Variants in KATNAL2 observed in about 807,000 individuals in gnomAD.
KATNAL2 encodes katanin p60 ATPase-containing subunit A-like 2.
A neutral mutation model predicts 76.3 loss-of-function variants in KATNAL2; 52 were observed. The observed-to-expected ratio is 0.68, with a 90% CI of 0.55 to 0.86. KATNAL2 has a LOEUF of 0.86. Ranked by LOEUF, KATNAL2 falls within the 40% of genes least tolerant of loss-of-function variation. KATNAL2 has a pLI of 0.00. For missense variants in KATNAL2, 660 were observed against 668.9 expected (o/e 0.99, Z 0.15); for synonymous variants, 243 against 244.2 (o/e 1.00, Z 0.05).
intron 3 of KATNAL2, among the ~76,000 whole-genome samples, chr18:46,960,427 C>CAAAA (rs754973661): frequency 5.7e-5 from 8 of 140,502 alleles, no homozygotes; most frequent in Non-Finnish European, 1.1e-4. Context: ...AGCGAAACTT[C>CAAAA]AAAAAAAAAA....
chr18:46,920,856 G>T (rs1048232295), intron 1 of KATNAL2, among the ~76,000 whole-genome samples: 1 of 152,142 alleles, frequency 6.6e-6, no homozygotes, highest in Admixed American at 6.5e-5. Context: ...GGAGAAGGAG[G>T]GAGGTGCAGT....
intron 4 of KATNAL2, among the ~76,000 whole-genome samples, chr18:47,046,996 A>G (rs2061181218): frequency 6.6e-6 from 1 of 152,064 alleles, no homozygotes; most frequent in African/African-American, 2.4e-5. Context: ...CTGGAGTGTA[A>G]TCATGGCTCA....
At chr18:46,919,809 A>G (rs1568965402) in intron 1 of KATNAL2, among the ~76,000 whole-genome samples, 1 of 152,188 alleles carries the variant, frequency 6.6e-6, no homozygotes, top group African/African-American at 2.4e-5. Flanking sequence ...TCTCTCCACC[A>G]TTAACTTTGT....
At chr18:47,036,291 G>T (rs1005180673) in intron 3 of KATNAL2, among the ~76,000 whole-genome samples, 19 of 152,194 alleles carry the variant, frequency 1.2e-4, no homozygotes, top group African/African-American at 4.3e-4. Context: ...TGATTAGGTA[G>T]AACTCTCTGG....
chr18:47,065,746 G>A (rs894129456), intron 10 of KATNAL2, among the ~76,000 whole-genome samples: 3 of 152,118 alleles, frequency 2.0e-5, no homozygotes, highest in Non-Finnish European at 4.4e-5. Context: ...CACTTTGGGA[G>A]GCCGAGGCAG....
At chr18:46,950,254 G>A (rs993041087) in intron 3 of KATNAL2, among the ~76,000 whole-genome samples, 2 of 152,176 alleles carry the variant, frequency 1.3e-5, no homozygotes, top group Non-Finnish European at 2.9e-5. Flanking sequence ...TCCCTAGATG[G>A]CGCTAAGAGC....
intron 1 of KATNAL2, among the ~76,000 whole-genome samples, chr18:46,925,671 T>C (rs2058706015): frequency 6.6e-6 from 1 of 152,190 alleles, no homozygotes; most frequent in Non-Finnish European, 1.5e-5. Flanking sequence ...CCAGCTCCTC[T>C]TTGTACCTCT....
chr18:46,961,737 G>C (rs1426786680), intron 3 of KATNAL2, among the ~76,000 whole-genome samples: 2 of 152,156 alleles, frequency 1.3e-5, no homozygotes, highest in Admixed American at 1.3e-4. Context: ...ATTTTTCACA[G>C]ACCTGATATT....
At chr18:47,092,890 A>T (rs1268311349) in intron 15 of KATNAL2, among the ~76,000 whole-genome samples, 1 of 152,022 alleles carries the variant, frequency 6.6e-6, no homozygotes, top group Admixed American at 6.6e-5. Flanking sequence ...ATTTTTTTTT[A>T]GGCCTCACAT....
At chr18:47,035,238 G>C (rs1486372301) in intron 3 of KATNAL2, 2 of 1,612,736 alleles carry the variant, frequency 1.2e-6, no homozygotes, top group Non-Finnish European at 1.7e-6. Context: ...TCTCCACTGC[G>C]TGCAGCGTAG....
Position 46,924,435 on chromosome 18 carries a change from A to C in KATNAL2, c.-510+6509A>C, listed in dbSNP as rs184725168. Among the ~76,000 whole-genome samples, 6 of 152,200 alleles carry C rather than the reference A, an allele frequency of 3.9e-5. No homozygotes were observed. In the East Asian group the frequency reaches 5.8e-4, roughly 15 times the overall value. ...GCTCTGTTCTGTTACATTGGTCTAT[A>C]TCTCTGTTTTGGTACCAGTACCACA... On this transcript the variant is annotated intron_variant, in intron 1 of 17. Transcript: ENST00000683218.
At chr18:46,938,493 A>T (rs1313545288) in intron 1 of KATNAL2, among the ~76,000 whole-genome samples, 1 of 152,190 alleles carries the variant, frequency 6.6e-6, no homozygotes, top group Non-Finnish European at 1.5e-5. Context: ...TCAATGTATT[A>T]TTCTCTACAC....
intron 15 of KATNAL2, among the ~76,000 whole-genome samples, chr18:47,089,630 A>G (rs2062914860): frequency 6.6e-6 from 1 of 152,192 alleles, no homozygotes; most frequent in Admixed American, 6.5e-5. Flanking sequence ...GATTTTCAAA[A>G]GTACTGCCCA....
chr18:46,961,255 A>G lies in KATNAL2; in HGVS notation c.51+14332A>G, dbSNP rs149800236. 1.2e-3 allele frequency among the ~76,000 whole-genome samples: 160 copies of G among 133,230 alleles called. No individual in the cohort carries two copies. The Middle Eastern group carries it at 0.015, about 12-fold the overall frequency. 87.4% of individuals were successfully genotyped at this position (133,230 alleles called of 152,430 possible). A position where few individuals can be genotyped will look rare whatever the true frequency, so the allele number is the denominator to read the frequency against. On this transcript the variant is annotated intron_variant, in intron 3 of 17. Coordinates refer to ENST00000683218, the MANE Select transcript of KATNAL2 (RefSeq NM_001387690.1). ...AACTTTTCGCTTTCTCCCTTTCCTC[A>G]CGTCTTAAAAACTAGGCAAGGTGGC...
intron 16 of KATNAL2, 26 bp downstream of exon 16, chr18:47,099,431 T>C (rs1464916318): frequency 6.3e-7 from 1 of 1,589,378 alleles, no homozygotes; most frequent in African/African-American, 1.3e-5. Context: ...GAGGGGCACA[T>C]GTAGGTCAAG....
At chr18:46,961,558 A>G (rs748255911) in intron 3 of KATNAL2, among the ~76,000 whole-genome samples, 5 of 152,226 alleles carry the variant, frequency 3.3e-5, no homozygotes, top group African/African-American at 4.8e-5. Context: ...ACTTACAATG[A>G]GGGTTTTAAA....
intron 1 of KATNAL2, among the ~76,000 whole-genome samples, chr18:46,931,694 G>A (rs1456782254): frequency 6.8e-6 from 1 of 147,620 alleles, no homozygotes; most frequent in African/African-American, 2.5e-5. Flanking sequence ...GAAAGAGGAA[G>A]GAAGGAAGAG....
chr18:47,063,354 TG>T lies in KATNAL2; in HGVS notation c.720del (p.Ser241AlafsTer11). On this transcript the variant is annotated frameshift_variant, in exon 10 of 18. Transcript: ENST00000683218. LOFTEE classifies it high-confidence loss of function. ...GAGATGCGAGAATTGGCAGCCGTGG[TG>T]AGCCGGGTAAGATCTGATATTCAAT... Reference protein sequence around the residue: ...NSEMRELAAVVSRDIYLHNPN... With the variant: ...NSEMRELAAVXSRDIYLHNPN... 1.2e-6 allele frequency: 2 copies of T among 1,613,848 alleles called. No homozygotes were observed. Among genetic ancestry groups the T allele is most frequent in the Non-Finnish European group, 1.7e-6 (2 of 1,179,804 alleles).
At chr18:46,952,135 A>G (rs2059576268) in intron 3 of KATNAL2, among the ~76,000 whole-genome samples, 1 of 151,096 alleles carries the variant, frequency 6.6e-6, no homozygotes, top group Non-Finnish European at 1.5e-5. Context: ...GTGCATTGGC[A>G]TGATTTAGCT....
Sources: allele counts gnomAD v4.1 joint callset (sites outside exome capture counted in the v4.1 genomes callset), GRCh38; gene constraint gnomAD v4.1.1; transcripts MANE v1.5; gene names NCBI Gene and HGNC (gene_info 2026-07-23, HGNC 2026-07-21).